The following MEGF10 variants were observed in gnomAD, a reference collection of about 807,000 sequenced individuals.
MEGF10 encodes multiple EGF like domains 10, also known as multiple epidermal growth factor-like domains protein 10.
MEGF10 carries 86 observed loss-of-function variants against 147.5 expected under a neutral mutation model. That is an observed-to-expected ratio of 0.58 (90% confidence interval 0.49 to 0.70). The LOEUF is 0.70. Among genes scored for constraint, MEGF10 ranks in the 30% least tolerant of loss-of-function variants. The pLI, the probability that MEGF10 is intolerant of heterozygous loss-of-function variation, is 0.00. For missense variants in MEGF10, 1,329 were observed against 1,487.3 expected (o/e 0.89, Z 1.75); for synonymous variants, 478 against 525.5 (o/e 0.91, Z 1.24).
chr5:127,344,371 C>A (rs1187065863), intron 4 of MEGF10, among the ~76,000 whole-genome samples: 7 of 152,108 alleles, frequency 4.6e-5, no homozygotes, highest in Non-Finnish European at 7.4e-5. Flanking sequence ...CAGATATAAT[C>A]GTACCCATGT....
the MEGF10 span, among the ~76,000 whole-genome samples, chr5:127,265,865 T>C: frequency 3.2e-4 from 48 of 152,122 alleles, no homozygotes; most frequent in Non-Finnish European, 4.8e-4. Context: ...TCCCATTCTG[T>C]AGGTTGCCTG....
intron 18 of MEGF10, among the ~76,000 whole-genome samples, 157 bp downstream of exon 18, chr5:127,441,024 G>A (rs1315436920): frequency 6.6e-6 from 1 of 152,206 alleles, no homozygotes; most frequent in Non-Finnish European, 1.5e-5. Context: ...CCTCCCAGAG[G>A]TCAGGCCTCC....
At chr5:127,349,142 A>C (rs1413196144) in intron 4 of MEGF10, among the ~76,000 whole-genome samples, 1 of 152,166 alleles carries the variant, frequency 6.6e-6, no homozygotes, top group African/African-American at 2.4e-5. Flanking sequence ...CATTCTCTTA[A>C]ATATTATAAA....
Position 127,369,913 on chromosome 5 carries a change from A to C in MEGF10, c.323A>C (p.His108Pro), listed in dbSNP as rs1329120581. The C allele has an allele frequency of 6.2e-7, 1 of 1,604,552 alleles. No individual in the cohort carries two copies. Among genetic ancestry groups the C allele is most frequent in the Non-Finnish European group, 8.5e-7 (1 of 1,174,752 alleles). The change falls in exon 5 of 25, where the codon CAC becomes CCC. Residue 108 changes from histidine (H) to proline (P), a missense_variant. Transcript: ENST00000503335. ...FYESGEMCVP[H>P]CADKCVHGRC... ...TGATTGATTTTCTCTCTGACAGCCC[A>C]CTGTGCTGATAAATGTGTCCATGGT...
In MEGF10 at chr5:127,458,645, T is replaced by C. The variant is rs1406850722; in HGVS notation, c.*1327T>C. The C allele has an allele frequency of 6.6e-6, 1 of 152,194 alleles. No individual in the cohort carries two copies. 9.4% of individuals were successfully genotyped at this position (152,194 alleles called of 1,614,324 possible). A position where few individuals can be genotyped will look rare whatever the true frequency, so the allele number is the denominator to read the frequency against. On this transcript the variant is annotated 3_prime_UTR_variant, in exon 25 of 25. Coordinates refer to ENST00000503335, the MANE Select transcript of MEGF10 (RefSeq NM_001256545.2). The stretch of plus-strand genomic sequence containing the variant: ...AAAATTGGTCGTTACTAAAATAGTA[T>C]AGTAACCACAAGTGATTGGCTTATA...
At chr5:127,350,247 G>A (rs1187495912) in intron 4 of MEGF10, among the ~76,000 whole-genome samples, 1 of 152,080 alleles carries the variant, frequency 6.6e-6, no homozygotes, top group East Asian at 1.9e-4. Flanking sequence ...GCAATCTCTA[G>A]ACACTTCCCA....
intron 6 of MEGF10, among the ~76,000 whole-genome samples, chr5:127,398,256 T>C (rs1763998078): frequency 6.6e-6 from 1 of 151,032 alleles, no homozygotes; most frequent in Non-Finnish European, 1.5e-5. Flanking sequence ...AAAAAAAGGA[T>C]GATGAATATG....
chr5:127,309,026 G>C (rs907681785), intron 1 of MEGF10, among the ~76,000 whole-genome samples: 2 of 152,068 alleles, frequency 1.3e-5, no homozygotes, highest in Admixed American at 6.5e-5. Flanking sequence ...CAAGGAGAAG[G>C]GGGTGAAGAG....
intron 8 of MEGF10, among the ~76,000 whole-genome samples, chr5:127,405,135 T>A (rs1764275364): frequency 6.6e-6 from 1 of 152,338 alleles, no homozygotes; most frequent in South Asian, 2.1e-4. Flanking sequence ...GAGCAATTTC[T>A]ATGAACTATG....
At chr5:127,357,568 A>G (rs1003654892) in intron 4 of MEGF10, among the ~76,000 whole-genome samples, 3 of 149,464 alleles carry the variant, frequency 2.0e-5, no homozygotes, top group African/African-American at 7.4e-5. Context: ...AGGATAGGTG[A>G]CAGAACAAGA....
In MEGF10 at chr5:127,375,335, C is replaced by A. The variant is rs2126872881; in HGVS notation, c.412+5333C>A. Among the ~76,000 whole-genome samples the A allele has an allele frequency of 1.3e-5, 2 of 152,234 alleles. 1 individual carries two copies. Among genetic ancestry groups the A allele is most frequent in the East Asian group, 3.9e-4 (2 of 5,180 alleles). On this transcript the variant is annotated intron_variant, in intron 5 of 24. Coordinates refer to ENST00000503335, the MANE Select transcript of MEGF10 (RefSeq NM_001256545.2). ...TTGATATGTCTGTTTGCCTTGGCAG[C>A]TGAGGGAAGGGTTCCTGCCTGTGAC...
chr5:127,437,293 A>C (rs1242331102), intron 16 of MEGF10, among the ~76,000 whole-genome samples: 1 of 152,204 alleles, frequency 6.6e-6, no homozygotes, highest in East Asian at 1.9e-4. Context: ...ACGAGTCACT[A>C]TTAACCTTTT....
chr5:127,430,403 C>G (rs935901111), intron 13 of MEGF10, among the ~76,000 whole-genome samples: 1 of 152,176 alleles, frequency 6.6e-6, no homozygotes, highest in Non-Finnish European at 1.5e-5. Context: ...ACTTACAACT[C>G]TTCATCCTGG....
At chr5:127,298,255 T>C (rs1759598188) in intron 1 of MEGF10, among the ~76,000 whole-genome samples, 1 of 152,152 alleles carries the variant, frequency 6.6e-6, no homozygotes, top group Non-Finnish European at 1.5e-5. Flanking sequence ...GCACTCCTCC[T>C]CTCTTGCTCA....
chr5:127,435,388 A>G lies in MEGF10; in HGVS notation c.2003A>G (p.Asn668Ser). The G allele has an allele frequency of 1.2e-6, 2 of 1,614,070 alleles. No homozygotes were observed. Among genetic ancestry groups the G allele is most frequent in the Non-Finnish European group, 1.7e-6 (2 of 1,179,986 alleles). ...TGTCCCAGTGGCAGATTTGGGAAAA[A>G]CTGTGCAGGAATTTGTACCTGCACC... Reference protein sequence around the residue: ...EVCPSGRFGKNCAGICTCTNN... With the variant: ...EVCPSGRFGKSCAGICTCTNN... Residue 668 changes from asparagine (N) to serine (S), a missense_variant, in exon 16 of 25, where the codon AAC (asparagine) becomes AGC (serine). Physicochemically the swap from Asn to Ser is conservative, Grantham distance 46. This residue lies in a region of MEGF10 where 980 missense variants were observed against 1,085.9 expected (regional missense o/e 0.90). Coordinates refer to ENST00000503335, the MANE Select transcript of MEGF10 (RefSeq NM_001256545.2).
At chr5:127,372,714 G>A (rs1242789073) in intron 5 of MEGF10, among the ~76,000 whole-genome samples, 2 of 152,152 alleles carry the variant, frequency 1.3e-5, no homozygotes, top group Non-Finnish European at 2.9e-5. Flanking sequence ...GATCAGACAT[G>A]GGTTATGAGT....
At chr5:127,310,034 CCTTCTTTCTTTA>C (rs1227538856) in intron 1 of MEGF10, among the ~76,000 whole-genome samples, 1 of 77,426 alleles carries the variant, frequency 1.3e-5, no homozygotes, top group African/African-American at 5.2e-5. Flanking sequence ...TTCTTTCTTT[CCTTCTTTCTTTA>C]TTTCTTTCTT....
chr5:127,435,572 T>C (rs1277575714), intron 16 of MEGF10, 83 bp downstream of exon 16: 3 of 1,323,634 alleles, frequency 2.3e-6, no homozygotes, highest in Non-Finnish European at 3.0e-6. Flanking sequence ...TGAGTGTTTT[T>C]ATATAATCAA....
At chr5:127,426,579 A>ACT (rs141529792) in intron 13 of MEGF10, among the ~76,000 whole-genome samples, 52 of 149,088 alleles carry the variant, frequency 3.5e-4, no homozygotes, top group African/African-American at 5.1e-4. Flanking sequence ...ACACACACAC[A>ACT]CTCTCTCTCT....
Sources: allele counts gnomAD v4.1 joint callset (sites outside exome capture counted in the v4.1 genomes callset), GRCh38; gene constraint gnomAD v4.1.1; regional missense constraint gnomAD v4.1.1; transcripts MANE v1.5; gene names NCBI Gene and HGNC (gene_info 2026-07-23, HGNC 2026-07-21).